ZHX3: variants seen among roughly 807,000 people sequenced by gnomAD.
ZHX3 encodes the protein zinc fingers and homeoboxes protein 3.
A neutral mutation model predicts 64.5 loss-of-function variants in ZHX3; 20 were observed. The observed-to-expected ratio is 0.31, with a 90% CI of 0.22 to 0.45. The LOEUF is 0.45. ZHX3 is among the 20% of genes least tolerant of loss of function. The probability of loss-of-function intolerance (pLI) is 1.00; values close to 1 mark genes in which losing one functional copy is unlikely to be tolerated. For missense variants in ZHX3, 1,041 were observed against 1,195.8 expected, an observed-to-expected ratio of 0.87 and a Z score of 1.91; for synonymous variants, 423 against 461.6, an observed-to-expected ratio of 0.92 and a Z score of 1.07.
intron 1 of ZHX3, among the ~76,000 whole-genome samples, chr20:41,308,725 G>T (rs941206207): frequency 8.5e-5 from 13 of 152,086 alleles, no homozygotes; most frequent in African/African-American, 3.1e-4. Context: ...TTTTCCCAGG[G>T]AAAATAGGGA....
At chr20:41,287,805 A>G (rs2044012636) in intron 1 of ZHX3, among the ~76,000 whole-genome samples, 2 of 152,202 alleles carry the variant, frequency 1.3e-5, no homozygotes, top group African/African-American at 2.4e-5. Context: ...GGTACCCATT[A>G]AGCCCTGCTC....
intron 2 of ZHX3, among the ~76,000 whole-genome samples, chr20:41,222,692 T>C (rs1326936428): frequency 6.6e-6 from 1 of 152,208 alleles, no homozygotes; most frequent in Non-Finnish European, 1.5e-5. Flanking sequence ...ACTTTAAATG[T>C]ACTTGCATCC....
intron 2 of ZHX3, among the ~76,000 whole-genome samples, chr20:41,242,077 G>C (rs1193389696): frequency 1.3e-5 from 2 of 151,816 alleles, no homozygotes; most frequent in Non-Finnish European, 2.9e-5. Flanking sequence ...TAAGAGACAG[G>C]GTACAAGGAG....
At chr20:41,236,811 C>G (rs2041029112) in intron 2 of ZHX3, among the ~76,000 whole-genome samples, 3 of 152,102 alleles carry the variant, frequency 2.0e-5, no homozygotes, top group Non-Finnish European at 1.5e-5. Flanking sequence ...AAAGAAACTA[C>G]CATCAGAGTG....
chr20:41,284,312 A>G (rs1277981032), intron 1 of ZHX3, among the ~76,000 whole-genome samples: 1 of 152,146 alleles, frequency 6.6e-6, no homozygotes, highest in East Asian at 1.9e-4. Flanking sequence ...CAATTGCTTC[A>G]AGTCCCATCT....
rs2036157798 is a variant in ZHX3 at position 41,179,258 on chromosome 20, G to A, written c.*5933C>T. ...AAAGCAACTGCTCAGAAGCACAGCG[G>A]GAACCCTCTACACAGGGGTGACTGC... is the stretch of plus-strand genomic sequence containing the variant. On this transcript the variant is annotated 3_prime_UTR_variant, in exon 4 of 4. Coordinates refer to ENST00000683867, the MANE Select transcript of ZHX3 (RefSeq NM_001384317.1). The surrounding 1 kb of genome is among the most constrained non-coding windows in gnomAD (Gnocchi z 4.3). 1 of 152,108 alleles carries A rather than the reference G, an allele frequency of 6.6e-6. No individual in the cohort carries two copies. Among genetic ancestry groups the A allele is most frequent in the Admixed American group, 6.5e-5 (1 of 15,284 alleles). 9.4% of individuals were successfully genotyped at this position (152,108 alleles called of 1,614,324 possible).
Position 41,203,233 on chromosome 20 carries a change from C to T in ZHX3, c.1684G>A (p.Asp562Asn), listed in dbSNP as rs756322191. The T allele has an allele frequency of 6.2e-7, 1 of 1,614,198 alleles. No individual in the cohort carries two copies. The highest frequency in any genetic ancestry group is 8.5e-7 in the Non-Finnish European group (1 of 1,180,036). The change falls in exon 3 of 4, where the codon GAT becomes AAT. Residue 562 changes from aspartate (D) to asparagine (N), a missense_variant. Asp to Asn is a conservative substitution (Grantham distance 23). Around this residue, in one of 4 missense-constraint regions of ZHX3, gnomAD observed 649 missense variants for 739.8 expected, o/e 0.88. Transcript: ENST00000683867. This position sits in a 1 kb window ranked among gnomAD's most constrained non-coding sequence, Gnocchi z 7.1. ...LKGSRAMIPG[D>N]HSSIIIDSVP... ...GAGTCAATGATGATGGAACTGTGAT[C>T]TCCAGGTATCATCGCTCTGGAGCCC...
chr20:41,231,768 T>C (rs1471016920), intron 2 of ZHX3, among the ~76,000 whole-genome samples: 1 of 152,150 alleles, frequency 6.6e-6, no homozygotes. Flanking sequence ...TAGAATCAAA[T>C]AGCTTAGAAA....
chr20:41,308,495 C>A (rs2045042180), intron 1 of ZHX3, among the ~76,000 whole-genome samples: 1 of 152,252 alleles, frequency 6.6e-6, no homozygotes, highest in African/African-American at 2.4e-5. Flanking sequence ...ATAGCAACCA[C>A]TTCAACAGTG....
rs147912657 is a variant in ZHX3 at position 41,227,124 on chromosome 20, A to G, written c.-150-22058T>C. On this transcript the variant is annotated intron_variant, in intron 2 of 3. Coordinates refer to ENST00000683867, the MANE Select transcript of ZHX3 (RefSeq NM_001384317.1). The stretch of plus-strand genomic sequence containing the variant: ...TTATGCTGCCCAACTAATGGGACCA[A>G]CTGGATTTGCTCAATAAAGTTCTGT... Among the ~76,000 whole-genome samples the G allele has an allele frequency of 1.5e-4, 23 of 152,206 alleles. No individual in the cohort carries two copies. The East Asian group carries it at 3.5e-3, about 23-fold the overall frequency.
At chr20:41,308,409 G>A (rs1001575118) in intron 1 of ZHX3, among the ~76,000 whole-genome samples, 2 of 152,184 alleles carry the variant, frequency 1.3e-5, no homozygotes, top group Non-Finnish European at 2.9e-5. Flanking sequence ...CAGTTTGAAA[G>A]CCAGCCTTCT....
rs1378923115 is a variant in ZHX3 at position 41,195,661 on chromosome 20, C to A, written c.2860+6396G>T. Reference sequence around the variant, plus strand: ...GAACTCCTGACCTCAGGTGATCCACCCACCTTAGCCTCCCAAAGTGTGGGG... The same window carrying A: ...GAACTCCTGACCTCAGGTGATCCACACACCTTAGCCTCCCAAAGTGTGGGG... On this transcript the variant is annotated intron_variant, in intron 3 of 3. Transcript: ENST00000683867. This position sits in a 1 kb window ranked among gnomAD's most constrained non-coding sequence, Gnocchi z 4.2. Among the ~76,000 whole-genome samples, 1 of 152,188 alleles carries A rather than the reference C, an allele frequency of 6.6e-6. No homozygotes were observed. The highest frequency in any genetic ancestry group is 1.5e-5 in the Non-Finnish European group (1 of 68,030).
intron 2 of ZHX3, among the ~76,000 whole-genome samples, chr20:41,218,865 A>T (rs542336753): frequency 6.6e-6 from 1 of 151,270 alleles, no homozygotes; most frequent in South Asian, 2.1e-4. Context: ...AGTAATCACC[A>T]TCAGCCAAGG....
At chr20:41,263,035 G>A (rs1349265426) in intron 2 of ZHX3, among the ~76,000 whole-genome samples, 2 of 152,156 alleles carry the variant, frequency 1.3e-5, no homozygotes, top group Admixed American at 6.5e-5. Flanking sequence ...AGCAAAGAAT[G>A]TTCTGTAATA....
At chr20:41,223,795 G>A (rs1282645094) in intron 2 of ZHX3, among the ~76,000 whole-genome samples, 1 of 152,128 alleles carries the variant, frequency 6.6e-6, no homozygotes, top group Non-Finnish European at 1.5e-5. Context: ...AAAATACATG[G>A]GTTGTTACAA....
In ZHX3 at chr20:41,179,683, G is replaced by A. The variant is rs2036175093; in HGVS notation, c.*5508C>T. The A allele has an allele frequency of 6.6e-6, 1 of 150,612 alleles. No homozygotes were observed. The highest frequency in any genetic ancestry group is 1.5e-5 in the Non-Finnish European group (1 of 67,842). The allele number at this position is 150,612 out of a possible 1,614,324, so 9.3% of individuals were successfully genotyped here. On this transcript the variant is annotated 3_prime_UTR_variant, in exon 4 of 4. Coordinates refer to ENST00000683867, the MANE Select transcript of ZHX3 (RefSeq NM_001384317.1). This position sits in a 1 kb window ranked among gnomAD's most constrained non-coding sequence, Gnocchi z 4.3. Reference sequence around the variant, plus strand: ...TTCGCTCTGTCGCCCAGGCTGGAGTGCAGTGGCACGATCTCAGCTCACTGC... The same window carrying A: ...TTCGCTCTGTCGCCCAGGCTGGAGTACAGTGGCACGATCTCAGCTCACTGC...
chr20:41,204,129 A>G lies in ZHX3; in HGVS notation c.788T>C (p.Val263Ala). Residue 263 changes from valine to alanine, a missense_variant, in exon 3 of 4, where the codon GTT becomes GCT. Coordinates refer to ENST00000683867, the MANE Select transcript of ZHX3 (RefSeq NM_001384317.1). The surrounding 1 kb of genome is among the most constrained non-coding windows in gnomAD (Gnocchi z 6.6). ...GAACTGTGCTATGCCAGCTGGCAAA[A>G]CTGGCACTGTTCCTATCAGGGGCCC... Reference protein sequence around the residue: ...ANGPLIGTVPVLPAGIAQFLS... With the variant: ...ANGPLIGTVPALPAGIAQFLS... 6.2e-7 allele frequency: 1 copy of G among 1,605,828 alleles called. No individual in the cohort carries two copies. The highest frequency in any genetic ancestry group is 2.2e-5 in the East Asian group (1 of 44,804).
chr20:41,305,291 G>A (rs957089559), intron 1 of ZHX3, among the ~76,000 whole-genome samples: 7 of 152,294 alleles, frequency 4.6e-5, no homozygotes, highest in Admixed American at 6.5e-5. Context: ...AAGCCAATGC[G>A]GGTGGATTGC....
chr20:41,257,360 G>A (rs1056290973), intron 2 of ZHX3, among the ~76,000 whole-genome samples: 2 of 152,162 alleles, frequency 1.3e-5, no homozygotes, highest in East Asian at 1.9e-4. Context: ...ATCTCTCATC[G>A]TAGCTTTCCA....
Sources: allele counts gnomAD v4.1 joint callset (sites outside exome capture counted in the v4.1 genomes callset), GRCh38; gene constraint gnomAD v4.1.1; regional missense constraint gnomAD v4.1.1; non-coding constraint Gnocchi (gnomAD v3.1); transcripts MANE v1.5; gene names NCBI Gene and HGNC (gene_info 2026-07-23, HGNC 2026-07-21).